Variants in SOX6 observed in about 807,000 individuals in gnomAD.
SOX6 encodes SRY-box transcription factor 6, also known as transcription factor SOX-6.
A neutral mutation model predicts 97.8 loss-of-function variants in SOX6; 11 were observed. The ratio of observed to expected loss-of-function variants is 0.11; its 90% CI spans 0.07 to 0.19. The LOEUF (loss-of-function observed/expected upper bound fraction) is 0.19. Among genes scored for constraint, SOX6 ranks in the 10% least tolerant of loss-of-function variants. The probability of loss-of-function intolerance (pLI) is 1.00; values close to 1 mark genes in which losing one functional copy is unlikely to be tolerated. For synonymous variants in SOX6, 360 were observed against 371.4 expected (o/e 0.97, Z 0.35); for missense variants, 810 against 1,039.5 (o/e 0.78, Z 3.04).
chr11:16,613,156 G>T lies in SOX6; in HGVS notation n.430-896C>A, dbSNP rs1330340973. 6.6e-6 allele frequency: 1 copy of T among 152,220 alleles called. No individual in the cohort carries two copies. Among genetic ancestry groups the T allele is most frequent in the African/African-American group, 2.4e-5 (1 of 41,424 alleles). The allele number at this position is 152,220 out of a possible 1,614,324, so 9.4% of individuals were successfully genotyped here. A position where few individuals can be genotyped will look rare whatever the true frequency, so the allele number is the denominator to read the frequency against. On this transcript the variant is annotated intron_variant and non_coding_transcript_variant, in intron 3 of 5. Coordinates refer to the SOX6 transcript ENST00000524520. This position sits in a 1 kb window ranked among gnomAD's most constrained non-coding sequence, Gnocchi z 4.6. ...GAAAGCGCCTACGGGAAAAACAGCT[G>T]GGATGCAGACGGGCTATGGAAATCT...
chr11:16,411,436 C>T (rs540176357), intron 1 of SOX6, among the ~76,000 whole-genome samples: 31 of 152,066 alleles, frequency 2.0e-4, no homozygotes, highest in African/African-American at 7.5e-4. Flanking sequence ...AAAAAACTGC[C>T]AACTTAAGAC....
At chr11:16,649,385 C>T (rs1434681821) in intron 3 of SOX6, among the ~76,000 whole-genome samples, 1 of 152,146 alleles carries the variant, frequency 6.6e-6, no homozygotes, top group Non-Finnish European at 1.5e-5. Context: ...ATCAGGTGGA[C>T]TACAGAGGAA....
chr11:16,522,746 C>T (rs1465090933), intron 4 of SOX6, among the ~76,000 whole-genome samples: 6 of 152,054 alleles, frequency 3.9e-5, no homozygotes, highest in East Asian at 3.8e-4. Context: ...ATCCCACGTG[C>T]GGAGACACAC....
chr11:16,513,958 C>A (rs1384211074), intron 4 of SOX6, among the ~76,000 whole-genome samples: 4 of 151,960 alleles, frequency 2.6e-5, no homozygotes, highest in Non-Finnish European at 5.9e-5. Context: ...CACCTGTAAT[C>A]CCAGCACTTT....
intron 3 of SOX6, among the ~76,000 whole-genome samples, chr11:16,712,934 C>T (rs1448190067): frequency 6.6e-6 from 1 of 152,140 alleles, no homozygotes; most frequent in Non-Finnish European, 1.5e-5. Context: ...CCAGGTGTGA[C>T]TGATTCCAAA....
chr11:16,466,201 C>T (rs1860028297), intron 1 of SOX6, among the ~76,000 whole-genome samples: 1 of 152,204 alleles, frequency 6.6e-6, no homozygotes, highest in Non-Finnish European at 1.5e-5. Flanking sequence ...CAATCTTTAA[C>T]TCACATTTTT....
At chr11:16,433,714 A>G (rs1859315300) in intron 1 of SOX6, among the ~76,000 whole-genome samples, 1 of 152,146 alleles carries the variant, frequency 6.6e-6, no homozygotes, top group African/African-American at 2.4e-5. Context: ...TAATAAATTA[A>G]TGCTGACTAT....
intron 3 of SOX6, among the ~76,000 whole-genome samples, chr11:16,685,768 C>T (rs1220361837): frequency 1.3e-5 from 2 of 152,262 alleles, no homozygotes; most frequent in Non-Finnish European, 2.9e-5. Context: ...CCAGTAGGGA[C>T]TCTGTGTTGG....
rs144466666 is a variant in SOX6 at position 16,096,010 on chromosome 11, G to A, written c.1087C>T (p.His363Tyr). The stretch of plus-strand genomic sequence containing the variant: ...AGCATTCATACCTCAATCTGTTTGT[G>A]GTTGTAAGAGTGGCCACCACCATGT... ...FEHGGGHSYN[H>Y]KQIEQLYAAQ... The change falls in exon 9 of 16, where the codon CAC (histidine) becomes TAC (tyrosine). Residue 363 changes from histidine (H) to tyrosine (Y), a missense_variant. By Grantham distance (83) the His-to-Tyr change is moderately conservative. This residue lies in a region of SOX6 where 244 missense variants were observed against 261.0 expected (regional missense o/e 0.93). Coordinates refer to ENST00000683767, the MANE Select transcript of SOX6 (RefSeq NM_001367873.1). 300 of 1,611,004 alleles carry A rather than the reference G, an allele frequency of 1.9e-4. No homozygotes were observed. Among genetic ancestry groups the A allele is most frequent in the Non-Finnish European group, 2.4e-4 (284 of 1,178,272 alleles).
intron 2 of SOX6, among the ~76,000 whole-genome samples, chr11:16,320,826 C>T (rs1298960059): frequency 6.6e-6 from 1 of 152,072 alleles, no homozygotes; most frequent in Admixed American, 6.6e-5. Flanking sequence ...TTAATTTTTT[C>T]TGCATACCCA....
chr11:16,202,176 T>C (rs1851959395), intron 4 of SOX6, among the ~76,000 whole-genome samples: 1 of 152,122 alleles, frequency 6.6e-6, no homozygotes, highest in Non-Finnish European at 1.5e-5. Context: ...ATTTTTATAT[T>C]AAGCACATGT....
intron 12 of SOX6, among the ~76,000 whole-genome samples, chr11:16,042,380 C>T (rs1855694490): frequency 6.6e-6 from 1 of 152,158 alleles, no homozygotes; most frequent in Non-Finnish European, 1.5e-5. Flanking sequence ...GAATACCCTA[C>T]CCAGGTAGAA....
intron 1 of SOX6, among the ~76,000 whole-genome samples, chr11:16,395,838 G>T (rs1185164284): frequency 6.6e-6 from 1 of 151,672 alleles, no homozygotes; most frequent in Non-Finnish European, 1.5e-5. Context: ...ACTAGAAAAG[G>T]CTTCAACTAT....
intron 4 of SOX6, among the ~76,000 whole-genome samples, 159 bp from the exon 5 acceptor site, chr11:16,187,114 A>G (rs1590010196): frequency 2.0e-5 from 3 of 152,132 alleles, no homozygotes; most frequent in Admixed American, 6.6e-5. Flanking sequence ...GAGAGTAATT[A>G]CAGCAGTGGA....
intron 2 of SOX6, among the ~76,000 whole-genome samples, chr11:16,735,544 T>C (rs1371033798): frequency 6.6e-6 from 1 of 152,210 alleles, no homozygotes; most frequent in South Asian, 2.1e-4. Context: ...CTTCCTGACA[T>C]ATATGAAGCA....
chr11:16,012,305 G>A (rs1854755630), intron 13 of SOX6, among the ~76,000 whole-genome samples: 1 of 152,008 alleles, frequency 6.6e-6, no homozygotes, highest in Non-Finnish European at 1.5e-5. Context: ...TTGAACAGAT[G>A]CCAGGATATA....
chr11:16,546,079 C>G (rs1405798388), intron 4 of SOX6, among the ~76,000 whole-genome samples: 2 of 151,294 alleles, frequency 1.3e-5, no homozygotes, highest in Admixed American at 1.3e-4. Context: ...AGAAAGAAAC[C>G]AAGAGGGCAA....
At chr11:16,462,269 C>T (rs1395890765) in intron 1 of SOX6, among the ~76,000 whole-genome samples, 2 of 152,230 alleles carry the variant, frequency 1.3e-5, no homozygotes, top group Non-Finnish European at 2.9e-5. Context: ...CTGCTTCAAA[C>T]AATAAACTAC....
chr11:16,542,262 G>T (rs1590239001), intron 4 of SOX6, among the ~76,000 whole-genome samples: 1 of 152,148 alleles, frequency 6.6e-6, no homozygotes, highest in East Asian at 1.9e-4. Flanking sequence ...GGAACTGAAT[G>T]ATGAGAACAC....
Sources: gnomAD v4.1 joint callset for allele counts (sites outside exome capture counted in the v4.1 genomes callset) on GRCh38, gnomAD v4.1.1 for gene constraint, gnomAD v4.1.1 regional missense constraint, Gnocchi (gnomAD v3.1) non-coding constraint, MANE v1.5 for transcripts, NCBI Gene and HGNC (gene_info 2026-07-23, HGNC 2026-07-21) for gene names.